Variants in CNTN5 observed in about 807,000 individuals in gnomAD.
CNTN5 encodes contactin 5.
Under a neutral mutation model 129.1 loss-of-function variants are expected in CNTN5, and 77 were observed. The observed-to-expected ratio is 0.60, with a 90% CI of 0.50 to 0.72. The LOEUF (loss-of-function observed/expected upper bound fraction) is 0.72. Ranked by LOEUF, CNTN5 falls within the 30% of genes least tolerant of loss-of-function variation. The pLI is 0.00. For synonymous variants in CNTN5, 509 were observed against 465.6 expected (o/e 1.09, Z -1.20); for missense variants, 1,478 against 1,328.8 (o/e 1.11, Z -1.75).
intron 13 of CNTN5, among the ~76,000 whole-genome samples, chr11:100,089,185 T>G (rs1944661408): frequency 6.6e-6 from 1 of 152,034 alleles, no homozygotes; most frequent in Non-Finnish European, 1.5e-5. Context: ...GGGTTGTTTG[T>G]TTTTTTCTTG....
chr11:99,908,416 C>G lies in CNTN5; in HGVS notation c.578-7638C>G, dbSNP rs551121559. ...ATAATGGATTTGTAGTACTCAAACT[C>G]TCTGTGTATGTTGTATTTATCCTTT... is the stretch of plus-strand genomic sequence containing the variant. On this transcript the variant is annotated intron_variant, in intron 6 of 24. Coordinates refer to ENST00000524871, the MANE Select transcript of CNTN5 (RefSeq NM_014361.4). Among the ~76,000 whole-genome samples, 165 of 152,082 alleles carry G rather than the reference C, an allele frequency of 1.1e-3. 1 individual carries two copies. The highest frequency in any genetic ancestry group is 3.8e-3 in the African/African-American group (159 of 41,508).
At chr11:99,773,054 G>T (rs1038909630) in intron 3 of CNTN5, among the ~76,000 whole-genome samples, 3 of 151,882 alleles carry the variant, frequency 2.0e-5, no homozygotes, top group African/African-American at 7.3e-5. Context: ...CATAACTGTG[G>T]AACCAACAAC....
At chr11:100,019,369 G>T (rs906850925) in intron 9 of CNTN5, among the ~76,000 whole-genome samples, 1 of 151,750 alleles carries the variant, frequency 6.6e-6, no homozygotes, top group Non-Finnish European at 1.5e-5. Context: ...TATCAAACTT[G>T]GTCATCACCA....
chr11:99,657,411 G>C (rs1401701208), intron 3 of CNTN5, among the ~76,000 whole-genome samples: 1 of 152,064 alleles, frequency 6.6e-6, no homozygotes, highest in Non-Finnish European at 1.5e-5. Flanking sequence ...AGTACACATT[G>C]GGCAGGGCTG....
At chr11:99,663,236 A>T (rs1480354772) in intron 3 of CNTN5, among the ~76,000 whole-genome samples, 3 of 152,166 alleles carry the variant, frequency 2.0e-5, no homozygotes, top group African/African-American at 7.2e-5. Context: ...TGGGAGGCCG[A>T]GGGCTGGCAG....
At chr11:99,999,198 C>G (rs1216182605) in intron 8 of CNTN5, among the ~76,000 whole-genome samples, 1 of 152,108 alleles carries the variant, frequency 6.6e-6, no homozygotes, top group Non-Finnish European at 1.5e-5. Flanking sequence ...GCAAAAGAAA[C>G]TACCATCAGA....
At chr11:99,532,807 C>T (rs1403957550) in intron 2 of CNTN5, among the ~76,000 whole-genome samples, 1 of 152,206 alleles carries the variant, frequency 6.6e-6, no homozygotes, top group Non-Finnish European at 1.5e-5. Flanking sequence ...CATATAAAAA[C>T]TCTTTTTCCT....
At chr11:99,199,647 T>C (rs1859070682) in intron 1 of CNTN5, among the ~76,000 whole-genome samples, 1 of 152,244 alleles carries the variant, frequency 6.6e-6, no homozygotes, top group Non-Finnish European at 1.5e-5. Flanking sequence ...TTCTCATGGA[T>C]ACGACAAAAT....
intron 2 of CNTN5, among the ~76,000 whole-genome samples, chr11:99,437,823 A>AAAAC (rs1272496327): frequency 1.3e-5 from 2 of 152,178 alleles, no homozygotes; most frequent in Non-Finnish European, 2.9e-5. Flanking sequence ...ACAACATCTC[A>AAAAC]AAACAAACAA....
intron 2 of CNTN5, among the ~76,000 whole-genome samples, chr11:99,346,149 A>G (rs1223395654): frequency 2.6e-5 from 4 of 152,150 alleles, no homozygotes; most frequent in Admixed American, 2.6e-4. Flanking sequence ...ACATTATGTC[A>G]TATTGTGTGA....
At chr11:99,245,750 A>G (rs1861783946) in intron 1 of CNTN5, among the ~76,000 whole-genome samples, 1 of 152,184 alleles carries the variant, frequency 6.6e-6, no homozygotes, top group African/African-American at 2.4e-5. Flanking sequence ...TGGCATTGTC[A>G]CTTTCAGCAC....
chr11:100,171,441 A>G (rs1947823223), intron 13 of CNTN5, among the ~76,000 whole-genome samples: 1 of 152,022 alleles, frequency 6.6e-6, no homozygotes, highest in African/African-American at 2.4e-5. Flanking sequence ...TTCTTTACGA[A>G]TATTTGTCCT....
At chr11:100,161,630 C>T (rs1947449030) in intron 13 of CNTN5, among the ~76,000 whole-genome samples, 1 of 151,704 alleles carries the variant, frequency 6.6e-6, no homozygotes, top group Non-Finnish European at 1.5e-5. Flanking sequence ...TGAGTCCTCT[C>T]CTTGCTATGT....
At chr11:99,539,120 A>C (rs572912884) in intron 2 of CNTN5, among the ~76,000 whole-genome samples, 2 of 152,236 alleles carry the variant, frequency 1.3e-5, no homozygotes, top group South Asian at 4.1e-4. Context: ...CTTGAACTTC[A>C]TACCAGATTT....
chr11:99,578,046 T>C (rs1366939743), intron 3 of CNTN5, among the ~76,000 whole-genome samples: 1 of 148,092 alleles, frequency 6.8e-6, no homozygotes, highest in Non-Finnish European at 1.5e-5. Flanking sequence ...TTCTCATTGT[T>C]CAATTCCCAT....
chr11:100,280,070 G>C (rs1950601924), intron 18 of CNTN5, among the ~76,000 whole-genome samples: 1 of 151,018 alleles, frequency 6.6e-6, no homozygotes, highest in Non-Finnish European at 1.5e-5. Context: ...TTGACCCATG[G>C]GTCATTCAGG....
chr11:100,225,840 CAATTTA>C (rs1949361441), intron 16 of CNTN5, among the ~76,000 whole-genome samples: 1 of 152,006 alleles, frequency 6.6e-6, no homozygotes, highest in Non-Finnish European at 1.5e-5. Flanking sequence ...TGGACTCTTA[CAATTTA>C]AATATTAAAA....
chr11:99,196,220 T>C (rs1858894036), intron 1 of CNTN5, among the ~76,000 whole-genome samples: 1 of 151,900 alleles, frequency 6.6e-6, no homozygotes, highest in African/African-American at 2.4e-5. Flanking sequence ...TAACTATAAA[T>C]TTCAAATAAA....
chr11:99,127,180 C>T (rs1858680625), intron 1 of CNTN5, among the ~76,000 whole-genome samples: 1 of 152,174 alleles, frequency 6.6e-6, no homozygotes, highest in Admixed American at 6.6e-5. Context: ...CCTACTTGCT[C>T]TTATATTTAT....
Sources: gnomAD v4.1 joint callset for allele counts (sites outside exome capture counted in the v4.1 genomes callset) on GRCh38, gnomAD v4.1.1 for gene constraint, MANE v1.5 for transcripts, NCBI Gene and HGNC (gene_info 2026-07-23, HGNC 2026-07-21) for gene names.